CCSER1: variants seen among roughly 807,000 people sequenced by gnomAD.
The protein encoded by CCSER1 is coiled-coil serine rich protein 1.
CCSER1 carries 41 observed loss-of-function variants against 82.0 expected under a neutral mutation model. That is an observed-to-expected ratio of 0.50 (90% confidence interval 0.39 to 0.65). CCSER1 has a LOEUF of 0.65. Ranked by LOEUF, CCSER1 falls within the 30% of genes least tolerant of loss-of-function variation. The pLI is 0.00. For missense variants in CCSER1, 1,119 were observed against 1,064.2 expected (o/e 1.05, Z -0.72); for synonymous variants, 414 against 383.9 (o/e 1.08, Z -0.92).
chr4:91,529,996 C>G (rs1516700), intron 10 of CCSER1, among the ~76,000 whole-genome samples: 1 of 151,934 alleles, frequency 6.6e-6, no homozygotes, highest in Non-Finnish European at 1.5e-5. Context: ...GTGCTGAACA[C>G]TGAAACTTGT....
At chr4:91,308,042 G>A (rs182721500) in intron 10 of CCSER1, among the ~76,000 whole-genome samples, 1 of 151,978 alleles carries the variant, frequency 6.6e-6, no homozygotes, top group Admixed American at 6.6e-5. Context: ...TCCCTTCACT[G>A]CTAAAATTTT....
intron 10 of CCSER1, among the ~76,000 whole-genome samples, chr4:91,162,515 C>T (rs1731529500): frequency 6.6e-6 from 1 of 152,110 alleles, no homozygotes; most frequent in Non-Finnish European, 1.5e-5. Flanking sequence ...GTACCAGCTC[C>T]TCCTTGTACC....
chr4:91,084,246 T>C (rs1723128835), intron 9 of CCSER1, among the ~76,000 whole-genome samples: 1 of 152,152 alleles, frequency 6.6e-6, no homozygotes, highest in African/African-American at 2.4e-5. Context: ...ATTGATCTTA[T>C]ATTTAGCTAA....
At chr4:90,835,694 C>T (rs1411114747) in intron 8 of CCSER1, among the ~76,000 whole-genome samples, 1 of 152,040 alleles carries the variant, frequency 6.6e-6, no homozygotes. Context: ...AATTTTCATC[C>T]AAGATGACAG....
intron 7 of CCSER1, among the ~76,000 whole-genome samples, chr4:90,725,681 A>G (rs1479641920): frequency 6.6e-6 from 1 of 151,696 alleles, no homozygotes; most frequent in Non-Finnish European, 1.5e-5. Flanking sequence ...TGAGTAATAT[A>G]ATACTTAATG....
intron 10 of CCSER1, among the ~76,000 whole-genome samples, chr4:91,392,363 G>GCACACACACACACA (rs142343973): frequency 7.4e-5 from 11 of 148,210 alleles, no homozygotes; most frequent in South Asian, 2.1e-4. Flanking sequence ...ACCTACACAT[G>GCACACACACACACA]CACACACACA....
chr4:91,103,804 G>A (rs1039438364), intron 10 of CCSER1, among the ~76,000 whole-genome samples: 22 of 152,094 alleles, frequency 1.4e-4, no homozygotes, highest in African/African-American at 3.1e-4. Context: ...GAATAACAGC[G>A]ATTTTTAGGG....
chr4:91,215,477 C>T (rs975039056), intron 10 of CCSER1, among the ~76,000 whole-genome samples: 1 of 152,120 alleles, frequency 6.6e-6, no homozygotes, highest in South Asian at 2.1e-4. Context: ...AGCTAAAGAG[C>T]AAGATAGCCA....
chr4:90,973,410 G>T (rs932024146), intron 9 of CCSER1, among the ~76,000 whole-genome samples: 1 of 151,590 alleles, frequency 6.6e-6, no homozygotes, highest in African/African-American at 2.4e-5. Flanking sequence ...TATATGAAAA[G>T]GTGCTCAACA....
chr4:90,151,731 ATTTG>A (rs1281409615), intron 1 of CCSER1, among the ~76,000 whole-genome samples: 1 of 152,096 alleles, frequency 6.6e-6, no homozygotes, highest in Non-Finnish European at 1.5e-5. Flanking sequence ...ATTCTTTTCC[ATTTG>A]TTCAGTTATT....
In CCSER1 at chr4:90,303,979, A is replaced by C. The variant is rs183076789; in HGVS notation, c.-41-4265A>C. Among the ~76,000 whole-genome samples, 24 of 152,318 alleles carry C rather than the reference A, an allele frequency of 1.6e-4. No individual in the cohort carries two copies. In the East Asian group the frequency reaches 4.4e-3, roughly 28 times the overall value. ...AGAGAAAACCAAACAACCCCATCAA[A>C]AAGTGGGCGAAGGACATGAACAGAC... On this transcript the variant is annotated intron_variant, in intron 1 of 10. Transcript: ENST00000509176.
At chr4:90,979,704 T>C (rs1735934078) in intron 9 of CCSER1, among the ~76,000 whole-genome samples, 1 of 151,742 alleles carries the variant, frequency 6.6e-6, no homozygotes, top group Non-Finnish European at 1.5e-5. Context: ...AATATCAAAG[T>C]GATTGTGGAA....
chr4:91,538,218 A>G (rs10516897), intron 10 of CCSER1, among the ~76,000 whole-genome samples: 81,737 of 151,800 alleles, frequency 0.54, 22,234 homozygotes, highest in East Asian at 0.61. Context: ...GATGAACTTC[A>G]TAGATACTCC....
chr4:91,032,219 T>TG (rs1343531764), intron 9 of CCSER1, among the ~76,000 whole-genome samples: 4 of 152,124 alleles, frequency 2.6e-5, no homozygotes, highest in Non-Finnish European at 5.9e-5. Context: ...AATTTTACTG[T>TG]GGGGGCGAAT....
chr4:90,614,341 C>T (rs2148838897), intron 5 of CCSER1, among the ~76,000 whole-genome samples: 1 of 152,104 alleles, frequency 6.6e-6, no homozygotes, highest in South Asian at 2.1e-4. Flanking sequence ...TCTACAATGC[C>T]CTGTAGATGT....
intron 7 of CCSER1, among the ~76,000 whole-genome samples, chr4:90,768,820 T>C (rs1751650710): frequency 6.6e-6 from 1 of 152,194 alleles, no homozygotes; most frequent in Admixed American, 6.6e-5. Context: ...AGGTGCTGTC[T>C]CGTTTTCTCT....
intron 10 of CCSER1, among the ~76,000 whole-genome samples, chr4:91,162,325 C>T (rs370850991): frequency 1.5e-4 from 23 of 152,198 alleles, no homozygotes; most frequent in African/African-American, 5.1e-4. Context: ...CTGCCTGATT[C>T]GGTTTCCAGT....
intron 9 of CCSER1, among the ~76,000 whole-genome samples, chr4:90,979,994 A>T (rs561041010): frequency 6.4e-5 from 3 of 46,612 alleles, no homozygotes; most frequent in South Asian, 7.9e-4. Flanking sequence ...AACTAAAAAA[A>T]AATAATAAAC....
intron 10 of CCSER1, among the ~76,000 whole-genome samples, chr4:91,426,320 T>A (rs1295787520): frequency 6.6e-6 from 1 of 152,192 alleles, no homozygotes; most frequent in Non-Finnish European, 1.5e-5. Flanking sequence ...CAAGTCTTCG[T>A]TATTGTGAAT....
Sources: gnomAD v4.1 joint callset for allele counts (sites outside exome capture counted in the v4.1 genomes callset) on GRCh38, gnomAD v4.1.1 for gene constraint, MANE v1.5 for transcripts, NCBI Gene and HGNC (gene_info 2026-07-23, HGNC 2026-07-21) for gene names.